VWDE: variants seen among roughly 807,000 people sequenced by gnomAD.
VWDE encodes the protein von Willebrand factor D and EGF domain-containing protein.
A neutral mutation model predicts 178.4 loss-of-function variants in VWDE; 207 were observed. That is an observed-to-expected ratio of 1.16 (90% CI 1.04 to 1.30). The LOEUF (loss-of-function observed/expected upper bound fraction) is 1.30. VWDE is among the 50% of genes most tolerant of loss of function. VWDE has a pLI of 0.00. For synonymous variants in VWDE, 738 were observed against 651.4 expected (o/e 1.13, Z -2.02); for missense variants, 2,287 against 1,901.3 (o/e 1.20, Z -3.77).
chr7:12,377,691 T>A, intron 7 of VWDE, 85 bp downstream of exon 7: 1 of 840,460 alleles, frequency 1.2e-6, no homozygotes, highest in East Asian at 3.1e-5. Flanking sequence ...ATTATATGAG[T>A]ACACTCCAGT....
At chr7:12,395,053 T>C (rs866304772) in intron 1 of VWDE, among the ~76,000 whole-genome samples, 1 of 152,184 alleles carries the variant, frequency 6.6e-6, no homozygotes, top group African/African-American at 2.4e-5. Context: ...TACAAAGATA[T>C]TATTTTCCAA....
rs565115646 is a variant in VWDE at position 12,359,802 on chromosome 7, C to T, written c.3160-110G>A. ...TTGATGATTCCAACGAAAGCACATA[C>T]ATCTATTTTGATACTTCATAATCGT... On this transcript the variant is annotated intron_variant, in intron 15 of 28. Coordinates refer to ENST00000275358, the MANE Select transcript of VWDE (RefSeq NM_001135924.3). The T allele has an allele frequency of 5.0e-4, 311 of 623,586 alleles. 1 individual carries two copies. In the African/African-American group the frequency reaches 5.1e-3, roughly 10 times the overall value. 38.6% of individuals were successfully genotyped at this position (623,586 alleles called of 1,614,324 possible).
intron 9 of VWDE, 27 bp from the exon 10 acceptor site, chr7:12,373,274 T>TA (rs1257322526): frequency 6.5e-7 from 1 of 1,542,606 alleles, no homozygotes; most frequent in South Asian, 1.2e-5. Context: ...GCAATTGCAT[T>TA]AAAAAATCGT....
chr7:12,359,575 T>C lies in VWDE; in HGVS notation c.3274+3A>G, dbSNP rs1452031802. 15 of 1,531,700 alleles carry C rather than the reference T, an allele frequency of 9.8e-6. No homozygotes were observed. Among genetic ancestry groups the C allele is most frequent in the Admixed American group, 2.0e-5 (1 of 49,828 alleles). 94.9% of individuals were successfully genotyped at this position (1,531,700 alleles called of 1,614,324 possible). On this transcript the variant is annotated splice_donor_region_variant and intron_variant, in intron 16 of 28. Coordinates refer to ENST00000275358, the MANE Select transcript of VWDE (RefSeq NM_001135924.3). ...ATATTTGGATTAATAAAGAGTAACT[T>C]ACTTTCTAAAAATGACCAAGTAAAT...
At chr7:12,379,355 A>C (rs1400760403) in intron 6 of VWDE, 122 bp downstream of exon 6, 2 of 555,160 alleles carry the variant, frequency 3.6e-6, no homozygotes, top group African/African-American at 3.9e-5. Context: ...ATGGGGACTC[A>C]TGGGTCTCAA....
intron 18 of VWDE, 147 bp from the exon 19 acceptor site, chr7:12,351,860 C>T (rs1376960719): frequency 8.9e-6 from 6 of 675,044 alleles, no homozygotes; most frequent in Non-Finnish European, 1.4e-5. Context: ...CTCTTCTGCA[C>T]ACTTTTCTGG....
At chr7:12,349,227 A>AATC (rs1478812233) in intron 19 of VWDE, among the ~76,000 whole-genome samples, 1 of 139,864 alleles carries the variant, frequency 7.1e-6, no homozygotes, top group Non-Finnish European at 1.6e-5. Context: ...AAAGTATAAT[A>AATC]ATCATAATAA....
chr7:12,365,970 C>A (rs902714260), intron 13 of VWDE, among the ~76,000 whole-genome samples: 1 of 151,978 alleles, frequency 6.6e-6, no homozygotes, highest in African/African-American at 2.4e-5. Flanking sequence ...TTGACTGGAT[C>A]ATGAGGGCAG....
intron 3 of VWDE, among the ~76,000 whole-genome samples, chr7:12,388,311 C>T (rs763797290): frequency 5.3e-5 from 8 of 152,030 alleles, no homozygotes; most frequent in Non-Finnish European, 1.0e-4. Context: ...TGTCAACATG[C>T]GTTATCACTA....
At chr7:12,367,668 G>A (rs901912529) in intron 12 of VWDE, among the ~76,000 whole-genome samples, 175 bp from the exon 13 acceptor site, 43 of 151,978 alleles carry the variant, frequency 2.8e-4, no homozygotes, top group African/African-American at 1.0e-3. Context: ...TCTGGTATTA[G>A]AAGAGGTATC....
At chr7:12,401,807 A>G (rs1784908505) in intron 1 of VWDE, among the ~76,000 whole-genome samples, 1 of 152,182 alleles carries the variant, frequency 6.6e-6, no homozygotes, top group Admixed American at 6.5e-5. Context: ...TCTCGGAGAA[A>G]TGAAAACATA....
At chr7:12,368,548 G>A (rs1364971462) in intron 12 of VWDE, among the ~76,000 whole-genome samples, 2 of 152,108 alleles carry the variant, frequency 1.3e-5, no homozygotes, top group Non-Finnish European at 2.9e-5. Flanking sequence ...TGGCTGAAAA[G>A]CAGTGAGCTG....
At chr7:12,364,966 T>C (rs1297708386) in intron 13 of VWDE, among the ~76,000 whole-genome samples, 2 of 152,080 alleles carry the variant, frequency 1.3e-5, no homozygotes, top group African/African-American at 2.4e-5. Flanking sequence ...TTGTACAACA[T>C]GGCATGACCT....
rs535718407 is a variant in VWDE at position 12,358,878 on chromosome 7, G to C, written c.3274+700C>G. ...ATTCCATGAGTCTTAAACCTAAGCA[G>C]TGAATCATCTGGCAAATGTAATGAA... On this transcript the variant is annotated intron_variant, in intron 16 of 28. Coordinates refer to ENST00000275358, the MANE Select transcript of VWDE (RefSeq NM_001135924.3). 9.3e-4 allele frequency among the ~76,000 whole-genome samples: 142 copies of C among 152,246 alleles called. 1 individual carries two copies. Among genetic ancestry groups the C allele is most frequent in the Middle Eastern group, 3.4e-3 (1 of 294 alleles).
At chr7:12,338,075 G>A (rs939670367) in intron 24 of VWDE, among the ~76,000 whole-genome samples, 1 of 151,928 alleles carries the variant, frequency 6.6e-6, no homozygotes, top group Admixed American at 6.6e-5. Flanking sequence ...CAAATTAACT[G>A]GTATTAATAA....
intron 7 of VWDE, 108 bp downstream of exon 7, chr7:12,377,668 T>C (rs770847188): frequency 1.3e-5 from 8 of 636,890 alleles, no homozygotes; most frequent in Non-Finnish European, 4.6e-6. Flanking sequence ...GATGTCAACA[T>C]GCAACATGAT....
At chr7:12,339,891 C>T (rs1781235220) in intron 24 of VWDE, among the ~76,000 whole-genome samples, 1 of 152,006 alleles carries the variant, frequency 6.6e-6, no homozygotes, top group Non-Finnish European at 1.5e-5. Flanking sequence ...TCTTGCGTAG[C>T]GCTGTGCACA....
rs958367915 is a variant in VWDE at position 12,370,205 on chromosome 7, G to T, written c.2101C>A (p.His701Asn). ...NLNLFLQEKK[H>N]INLTKLGLNV... Reference sequence around the variant, plus strand: ...AAGCCGAGTTTAGTCAGGTTTATGTGTTTTTTTTCTTGCAGAAATAAATTT... The same window carrying T: ...AAGCCGAGTTTAGTCAGGTTTATGTTTTTTTTTTCTTGCAGAAATAAATTT... Residue 701 changes from histidine (H) to asparagine (N), a missense_variant, in exon 12 of 29, where the codon CAC becomes AAC. Coordinates refer to ENST00000275358, the MANE Select transcript of VWDE (RefSeq NM_001135924.3). The T allele has an allele frequency of 4.5e-6, 7 of 1,550,754 alleles. No individual in the cohort carries two copies. Among genetic ancestry groups the T allele is most frequent in the Non-Finnish European group, 6.1e-6 (7 of 1,146,692 alleles).
chr7:12,351,043 G>C (rs1419832716), intron 19 of VWDE, among the ~76,000 whole-genome samples: 1 of 152,110 alleles, frequency 6.6e-6, no homozygotes, highest in Non-Finnish European at 1.5e-5. Context: ...CATTTCCTAT[G>C]TTCCAGGAAT....
Sources: allele counts gnomAD v4.1 joint callset (sites outside exome capture counted in the v4.1 genomes callset), GRCh38; gene constraint gnomAD v4.1.1; transcripts MANE v1.5; gene names NCBI Gene and HGNC (gene_info 2026-07-23, HGNC 2026-07-21).